The following EHMT1 variants were observed in gnomAD, a reference collection of about 807,000 sequenced individuals.
The protein encoded by EHMT1 is histone-lysine N-methyltransferase EHMT1.
Under a neutral mutation model 147.2 loss-of-function variants are expected in EHMT1, and 15 were observed. The observed-to-expected ratio is 0.10, with a 90% CI of 0.07 to 0.16. The LOEUF (loss-of-function observed/expected upper bound fraction) is 0.16. Among genes scored for constraint, EHMT1 ranks in the 10% least tolerant of loss-of-function variants. EHMT1 has a pLI of 1.00. For synonymous variants in EHMT1, 795 were observed against 709.6 expected, an observed-to-expected ratio of 1.12 and a Z score of -1.91; for missense variants, 1,587 against 1,772.4, an observed-to-expected ratio of 0.90 and a Z score of 1.88.
In EHMT1 at chr9:137,717,096, A is replaced by T; in HGVS notation, c.556A>T (p.Thr186Ser). The T allele has an allele frequency of 6.2e-7, 1 of 1,612,302 alleles. No homozygotes were observed. The highest frequency in any genetic ancestry group is 8.5e-7 in the Non-Finnish European group (1 of 1,179,662). ...CACCCTTGGGGAGGGGAGTGCTGAC[A>T]CAGAGGACAGGAAGCTCCCGGCCCC... ...PATLGEGSAD[T>S]EDRKLPAPGA... Residue 186 changes from threonine to serine, a missense_variant, in exon 3 of 27, where the codon ACA becomes TCA. By Grantham distance (58) the Thr-to-Ser change is moderately conservative. Coordinates refer to ENST00000460843, the MANE Select transcript of EHMT1 (RefSeq NM_024757.5).
intron 4 of EHMT1, among the ~76,000 whole-genome samples, chr9:137,734,435 T>C (rs1242488849): frequency 1.3e-5 from 2 of 152,108 alleles, no homozygotes; most frequent in African/African-American, 4.8e-5. Flanking sequence ...GTGAAAATAA[T>C]CAAGTTTGAG....
intron 1 of EHMT1, among the ~76,000 whole-genome samples, chr9:137,680,255 C>G (rs1338368424): frequency 6.6e-6 from 1 of 152,146 alleles, no homozygotes; most frequent in Admixed American, 6.5e-5. Flanking sequence ...GAGTGGATCA[C>G]TTGAGGCCAG....
chr9:137,760,157 C>T (rs866955984), intron 9 of EHMT1, among the ~76,000 whole-genome samples: 4 of 152,070 alleles, frequency 2.6e-5, no homozygotes, highest in East Asian at 1.9e-4. Flanking sequence ...CAGAGCTTGG[C>T]GGAGGTTGAT....
Position 137,777,948 on chromosome 9 carries a change from C to G in EHMT1, c.2085C>G (p.Gly695=), listed in dbSNP as rs541029293. ...GTGCAGCCTCCCACGTGCCCGAGGGCTTTGATCCAACGGGACCTGCTGGGC... is the reference window on the plus strand; with the variant it reads ...GTGCAGCCTCCCACGTGCCCGAGGGGTTTGATCCAACGGGACCTGCTGGGC... ...LQGAASHVPE[G]FDPTGPAGLG... is the part of the protein sequence containing the mutation. The change falls in exon 13 of 27, where the codon GGC becomes GGG. Residue 695 remains glycine, a synonymous_variant. Transcript: ENST00000460843. 6.2e-7 allele frequency: 1 copy of G among 1,613,884 alleles called. No individual in the cohort carries two copies. The highest frequency in any genetic ancestry group is 1.3e-5 in the African/African-American group (1 of 75,028).
intron 1 of EHMT1, among the ~76,000 whole-genome samples, chr9:137,682,996 T>G (rs972665715): frequency 2.6e-5 from 4 of 152,232 alleles, no homozygotes; most frequent in African/African-American, 9.6e-5. Context: ...TGGCCTTAAC[T>G]CTGGGTTTGC....
intron 4 of EHMT1, among the ~76,000 whole-genome samples, chr9:137,738,191 C>T (rs1173066203): frequency 6.7e-6 from 1 of 149,534 alleles, no homozygotes; most frequent in Non-Finnish European, 1.5e-5. Context: ...GAGACTCTGT[C>T]TCAAAAAAAA....
chr9:137,644,840 C>G (rs1024998893), intron 1 of EHMT1, among the ~76,000 whole-genome samples: 26 of 151,868 alleles, frequency 1.7e-4, no homozygotes, highest in African/African-American at 6.3e-4. Context: ...AGATTGTAAA[C>G]TCTTTGAGGT....
chr9:137,622,099 A>G lies in EHMT1; in HGVS notation c.21+3050A>G, dbSNP rs552846230. Reference sequence around the variant, plus strand: ...CATTTAGCATTAGGTATATCTCCTAATGCTATCCCTCCCCCCTCCCCCCTT... The same window carrying G: ...CATTTAGCATTAGGTATATCTCCTAGTGCTATCCCTCCCCCCTCCCCCCTT... On this transcript the variant is annotated intron_variant, in intron 1 of 26. Coordinates refer to ENST00000460843, the MANE Select transcript of EHMT1 (RefSeq NM_024757.5). Among the ~76,000 whole-genome samples the G allele has an allele frequency of 4.8e-5, 7 of 146,994 alleles. No homozygotes were observed. The South Asian group carries it at 1.3e-3, about 28-fold the overall frequency.
At chr9:137,638,733 G>A (rs1467701947) in intron 1 of EHMT1, among the ~76,000 whole-genome samples, 6 of 148,164 alleles carry the variant, frequency 4.0e-5, no homozygotes, top group African/African-American at 1.5e-4. Context: ...TATGACTTAC[G>A]TGTCCTCATA....
chr9:137,720,984 C>T (rs1945892868), intron 3 of EHMT1, among the ~76,000 whole-genome samples: 1 of 152,072 alleles, frequency 6.6e-6, no homozygotes, highest in South Asian at 2.1e-4. Flanking sequence ...GGCGATGTTG[C>T]AGTGGCCGCC....
intron 1 of EHMT1, among the ~76,000 whole-genome samples, chr9:137,628,197 G>T (rs980477559): frequency 4.6e-5 from 7 of 152,144 alleles, no homozygotes; most frequent in African/African-American, 1.7e-4. Flanking sequence ...GGGTCAGTCT[G>T]CCAGCTGCTC....
intron 6 of EHMT1, among the ~76,000 whole-genome samples, chr9:137,749,446 T>C (rs1948804337): frequency 6.6e-6 from 1 of 152,110 alleles, no homozygotes; most frequent in South Asian, 2.1e-4. Context: ...TAATTTTTTT[T>C]TTTAATTAAT....
intron 1 of EHMT1, among the ~76,000 whole-genome samples, chr9:137,620,415 TTTA>T (rs977257342): frequency 2.0e-5 from 3 of 152,078 alleles, no homozygotes; most frequent in South Asian, 2.1e-4. Flanking sequence ...TAAATTATTA[TTTA>T]TTATTATTAT....
intron 18 of EHMT1, among the ~76,000 whole-genome samples, chr9:137,805,645 C>A (rs538950289): frequency 1.1e-4 from 17 of 151,772 alleles, no homozygotes; most frequent in African/African-American, 1.9e-4. Context: ...TGTAGTTATT[C>A]TGTTTAAACA....
At chr9:137,768,887 A>G (rs1004317505) in intron 10 of EHMT1, among the ~76,000 whole-genome samples, 1 of 151,570 alleles carries the variant, frequency 6.6e-6, no homozygotes, top group African/African-American at 2.4e-5. Flanking sequence ...GGGTTTCCCC[A>G]TGTTGGCCAG....
chr9:137,740,513 G>A (rs994277985), intron 4 of EHMT1, among the ~76,000 whole-genome samples: 5 of 152,210 alleles, frequency 3.3e-5, no homozygotes, highest in Admixed American at 6.5e-5. Flanking sequence ...AATCCCAGCC[G>A]TCTGGCTCAG....
At chr9:137,715,078 A>G (rs929124109) in intron 2 of EHMT1, among the ~76,000 whole-genome samples, 16 of 152,298 alleles carry the variant, frequency 1.1e-4, no homozygotes, top group African/African-American at 3.4e-4. Context: ...CATGATTTCA[A>G]ATTCAGCAGT....
At chr9:137,648,121 A>C (rs994820001) in intron 1 of EHMT1, among the ~76,000 whole-genome samples, 1 of 152,114 alleles carries the variant, frequency 6.6e-6, no homozygotes, top group African/African-American at 2.4e-5. Flanking sequence ...ATGTGTTAAA[A>C]TCTATTTTCA....
chr9:137,711,040 G>A lies in EHMT1; in HGVS notation c.85+10G>A. 1 of 1,585,580 alleles carries A rather than the reference G, an allele frequency of 6.3e-7. No homozygotes were observed. The highest frequency in any genetic ancestry group is 8.6e-7 in the Non-Finnish European group (1 of 1,166,694). On this transcript the variant is annotated intron_variant, in intron 2 of 26. Coordinates refer to ENST00000460843, the MANE Select transcript of EHMT1 (RefSeq NM_024757.5). ...GAGCTGCTGGGAGAAGGTGAGGGCG[G>A]TGTGCACCGAGGGACAGGAGCAGCG... is the stretch of plus-strand genomic sequence containing the variant.
Sources: gnomAD v4.1 joint callset for allele counts (sites outside exome capture counted in the v4.1 genomes callset) on GRCh38, gnomAD v4.1.1 for gene constraint, MANE v1.5 for transcripts, NCBI Gene and HGNC (gene_info 2026-07-23, HGNC 2026-07-21) for gene names.